The following LRP1B variants were observed in gnomAD, a reference collection of about 807,000 sequenced individuals.
The protein encoded by LRP1B is low-density lipoprotein receptor-related protein 1B.
Under a neutral mutation model 556.6 loss-of-function variants are expected in LRP1B, and 217 were observed. The observed-to-expected ratio is 0.39, with a 90% CI of 0.35 to 0.44. The LOEUF (loss-of-function observed/expected upper bound fraction) is 0.44. Ranked by LOEUF, LRP1B falls within the 20% of genes least tolerant of loss-of-function variation. LRP1B has a pLI of 1.00. For missense variants in LRP1B, 5,053 were observed against 5,620.8 expected, an observed-to-expected ratio of 0.90 and a Z score of 3.23; for synonymous variants, 2,047 against 1,865.8, an observed-to-expected ratio of 1.10 and a Z score of -2.50.
intron 2 of LRP1B, among the ~76,000 whole-genome samples, chr2:141,716,523 CAG>C (rs1350812577): frequency 1.3e-5 from 2 of 151,788 alleles, no homozygotes; most frequent in African/African-American, 4.8e-5. Flanking sequence ...AAAGTAATGA[CAG>C]AGAAATTTAG....
chr2:141,422,605 T>G (rs13416621), intron 3 of LRP1B, among the ~76,000 whole-genome samples: 30,138 of 152,180 alleles, frequency 0.2, 3,649 homozygotes, highest in East Asian at 0.45. Flanking sequence ...TTCTCCATTT[T>G]TGGTCATCTT....
intron 1 of LRP1B, among the ~76,000 whole-genome samples, chr2:142,074,181 C>T (rs997568809): frequency 2.0e-5 from 3 of 151,928 alleles, no homozygotes; most frequent in South Asian, 2.1e-4. Context: ...CAATTTGTTG[C>T]CCTACCAATT....
chr2:140,623,323 TA>T (rs1683523736), intron 41 of LRP1B, among the ~76,000 whole-genome samples: 2 of 152,222 alleles, frequency 1.3e-5, no homozygotes, highest in African/African-American at 4.8e-5. Flanking sequence ...CTTTAAGCAA[TA>T]AAGTTGACCC....
At chr2:141,859,554 GAA>G (rs1291463712) in intron 1 of LRP1B, among the ~76,000 whole-genome samples, 1 of 152,176 alleles carries the variant, frequency 6.6e-6, no homozygotes, top group Non-Finnish European at 1.5e-5. Flanking sequence ...TGTGGATAGT[GAA>G]AGATTTAAAA....
chr2:141,624,044 A>AAAAAAAAG (rs1219833459), intron 2 of LRP1B, among the ~76,000 whole-genome samples: 1 of 149,132 alleles, frequency 6.7e-6, no homozygotes, highest in Non-Finnish European at 1.5e-5. Context: ...AACAAAAAAA[A>AAAAAAAAG]AAAGAAAAGA....
At chr2:141,103,931 G>A (rs564591326) in intron 7 of LRP1B, among the ~76,000 whole-genome samples, 292 of 151,966 alleles carry the variant, frequency 1.9e-3, no homozygotes, top group Non-Finnish European at 3.2e-3. Flanking sequence ...TGACACAAAG[G>A]CGTCAATTCT....
At chr2:140,792,124 A>G (rs549770815) in intron 32 of LRP1B, among the ~76,000 whole-genome samples, 24 of 152,266 alleles carry the variant, frequency 1.6e-4, no homozygotes, top group African/African-American at 4.8e-4. Flanking sequence ...GCTTTCCCAC[A>G]GTGGTCATCC....
chr2:141,863,039 G>T (rs1698302430), intron 1 of LRP1B, among the ~76,000 whole-genome samples: 2 of 152,114 alleles, frequency 1.3e-5, no homozygotes, highest in Non-Finnish European at 2.9e-5. Flanking sequence ...CTTGCTTATG[G>T]TGGTAAGCTT....
chr2:141,869,858 C>T (rs567591451), intron 1 of LRP1B, among the ~76,000 whole-genome samples: 1 of 152,148 alleles, frequency 6.6e-6, no homozygotes, highest in South Asian at 2.1e-4. Flanking sequence ...TAATCACACA[C>T]ACAAAGATCC....
At chr2:142,009,394 A>C (rs944937404) in intron 1 of LRP1B, among the ~76,000 whole-genome samples, 4 of 152,058 alleles carry the variant, frequency 2.6e-5, no homozygotes, top group Admixed American at 2.6e-4. Flanking sequence ...TTACTGATAA[A>C]GTAGTTGACT....
chr2:141,637,015 T>A (rs113037046), intron 2 of LRP1B, among the ~76,000 whole-genome samples: 212 of 152,298 alleles, frequency 1.4e-3, no homozygotes, highest in African/African-American at 4.9e-3. Flanking sequence ...TTAAATGTTT[T>A]GTTTTGTATA....
intron 3 of LRP1B, among the ~76,000 whole-genome samples, chr2:141,307,053 C>T (rs1686618283): frequency 6.6e-6 from 1 of 152,082 alleles, no homozygotes. Context: ...GTTCCACATG[C>T]TGACGGGGAA....
chr2:140,429,274 A>T (rs1685806310), intron 66 of LRP1B, among the ~76,000 whole-genome samples: 1 of 152,160 alleles, frequency 6.6e-6, no homozygotes, highest in Non-Finnish European at 1.5e-5. Context: ...TTAGTTCAGG[A>T]TCTGTGCCTT....
intron 31 of LRP1B, among the ~76,000 whole-genome samples, chr2:140,820,446 A>T (rs902281218): frequency 6.6e-6 from 1 of 152,172 alleles, no homozygotes; most frequent in East Asian, 1.9e-4. Flanking sequence ...ATTCAAGGTA[A>T]GATTTCAACA....
intron 13 of LRP1B, among the ~76,000 whole-genome samples, chr2:141,014,359 T>C (rs1697842183): frequency 6.6e-6 from 1 of 152,100 alleles, no homozygotes; most frequent in African/African-American, 2.4e-5. Context: ...ATTATGTTAA[T>C]ATATTCATTT....
At chr2:141,958,124 A>G (rs1359477397) in intron 1 of LRP1B, among the ~76,000 whole-genome samples, 1 of 152,028 alleles carries the variant, frequency 6.6e-6, no homozygotes, top group Non-Finnish European at 1.5e-5. Context: ...GTGAATTAGT[A>G]ATTGAGCTAA....
intron 2 of LRP1B, among the ~76,000 whole-genome samples, chr2:141,575,488 C>A (rs1686704487): frequency 6.6e-6 from 1 of 152,068 alleles, no homozygotes; most frequent in Admixed American, 6.5e-5. Context: ...AACCCCAAAC[C>A]ATAAAAACCC....
chr2:140,492,339 A>G (rs1688733686), intron 57 of LRP1B, among the ~76,000 whole-genome samples: 1 of 152,204 alleles, frequency 6.6e-6, no homozygotes, highest in Non-Finnish European at 1.5e-5. Context: ...TAAAACTGGC[A>G]TAAACATACT....
intron 1 of LRP1B, among the ~76,000 whole-genome samples, chr2:142,066,797 T>G (rs909566631): frequency 6.6e-6 from 1 of 151,534 alleles, no homozygotes; most frequent in Non-Finnish European, 1.5e-5. Flanking sequence ...GTTACAGTGG[T>G]ATACCACTTC....
Sources: allele counts gnomAD v4.1 joint callset (sites outside exome capture counted in the v4.1 genomes callset), GRCh38; gene constraint gnomAD v4.1.1; transcripts MANE v1.5; gene names NCBI Gene and HGNC (gene_info 2026-07-23, HGNC 2026-07-21).